Variants in RUNDC3B observed in about 807,000 individuals in gnomAD.
The protein encoded by RUNDC3B is RUN domain containing 3B.
In RUNDC3B, 33 loss-of-function variants were observed where a neutral mutation model predicts 58.4. That is an observed-to-expected ratio of 0.56 (90% CI 0.43 to 0.75). RUNDC3B has a LOEUF of 0.75. RUNDC3B is among the 30% of genes least tolerant of loss of function. RUNDC3B has a pLI of 0.00. For missense variants in RUNDC3B, 501 were observed against 535.7 expected (o/e 0.94, Z 0.64); for synonymous variants, 193 against 195.2 (o/e 0.99, Z 0.10).
chr7:87,701,228 A>G (rs531768149), intron 3 of RUNDC3B, among the ~76,000 whole-genome samples: 11 of 152,334 alleles, frequency 7.2e-5, no homozygotes, highest in African/African-American at 2.6e-4. Context: ...TATAAACATA[A>G]TTTTTTGGAC....
chr7:87,723,760 C>T (rs17329325), intron 4 of RUNDC3B, among the ~76,000 whole-genome samples: 2,372 of 151,924 alleles, frequency 0.016, 41 homozygotes, highest in South Asian at 0.023. Flanking sequence ...GCCTTGTTAA[C>T]CCAAATTAAT....
intron 6 of RUNDC3B, among the ~76,000 whole-genome samples, chr7:87,768,835 A>C (rs1324817597): frequency 1.3e-5 from 2 of 152,062 alleles, no homozygotes; most frequent in South Asian, 2.1e-4. Flanking sequence ...TTCATCTATA[A>C]ATTTGATCTG....
intron 1 of RUNDC3B, among the ~76,000 whole-genome samples, chr7:87,635,180 C>G (rs1233255675): frequency 1.3e-5 from 2 of 152,114 alleles, no homozygotes; most frequent in Non-Finnish European, 2.9e-5. Flanking sequence ...AAATATATCC[C>G]TGGGTCAGTC....
intron 8 of RUNDC3B, among the ~76,000 whole-genome samples, chr7:87,801,094 C>T (rs1047498031): frequency 6.6e-6 from 1 of 152,156 alleles, no homozygotes; most frequent in Admixed American, 6.5e-5. Flanking sequence ...TGTGGTGTCA[C>T]TTTGCTTCTG....
Position 87,709,575 on chromosome 7 carries a change from T to C in RUNDC3B, c.373-995T>C, listed in dbSNP as rs531094130. ...ATTTTCTTCCCAGTAGTACTGCTGC[T>C]TCTAGCCTGACAGGTTTTAACTACT... On this transcript the variant is annotated intron_variant, in intron 3 of 10. Transcript: ENST00000394654. 14 of 945,064 alleles carry C rather than the reference T, an allele frequency of 1.5e-5. No individual in the cohort carries two copies. The South Asian group carries it at 3.9e-4, about 26-fold the overall frequency. The allele number at this position is 945,064 out of a possible 1,614,324, so 58.5% of individuals were successfully genotyped here.
At chr7:87,774,368 A>C (rs536509257) in intron 7 of RUNDC3B, among the ~76,000 whole-genome samples, 1 of 152,282 alleles carries the variant, frequency 6.6e-6, no homozygotes, top group South Asian at 2.1e-4. Context: ...ACCAGTTCAA[A>C]AAGAAGGAAA....
chr7:87,631,886 C>T (rs1483270341), intron 1 of RUNDC3B, among the ~76,000 whole-genome samples: 1 of 152,002 alleles, frequency 6.6e-6, no homozygotes, highest in African/African-American at 2.4e-5. Context: ...CATTGTTAAC[C>T]TTCAATTATA....
chr7:87,715,497 T>A (rs995445831), intron 4 of RUNDC3B, among the ~76,000 whole-genome samples: 16 of 135,092 alleles, frequency 1.2e-4, no homozygotes, highest in African/African-American at 2.5e-4. Flanking sequence ...ATACATATAA[T>A]TATATTATAT....
intron 9 of RUNDC3B, among the ~76,000 whole-genome samples, chr7:87,810,429 G>T (rs1306197934): frequency 6.6e-6 from 1 of 152,136 alleles, no homozygotes; most frequent in Non-Finnish European, 1.5e-5. Flanking sequence ...CTGAAACCTG[G>T]CTGTTTGTTA....
intron 8 of RUNDC3B, among the ~76,000 whole-genome samples, chr7:87,780,514 T>C (rs1834866855): frequency 6.6e-6 from 1 of 152,204 alleles, no homozygotes; most frequent in African/African-American, 2.4e-5. Flanking sequence ...ATTTGTTGGA[T>C]GCATAGTTTG....
intron 2 of RUNDC3B, among the ~76,000 whole-genome samples, chr7:87,658,037 G>T (rs916398813): frequency 6.6e-6 from 1 of 152,160 alleles, no homozygotes; most frequent in African/African-American, 2.4e-5. Flanking sequence ...GAACCAGGAA[G>T]ATCTCAGATT....
chr7:87,750,331 A>T (rs1334324589), intron 6 of RUNDC3B, among the ~76,000 whole-genome samples: 1 of 151,802 alleles, frequency 6.6e-6, no homozygotes, highest in African/African-American at 2.4e-5. Flanking sequence ...TAATGCCGCA[A>T]TAAACATACG....
rs765828828 is a variant in RUNDC3B, at chr7:87,816,258, T to C, written c.1221T>C (p.Ser407=). The change falls in exon 10 of 11, where the codon AGT becomes AGC. Residue 407 remains serine, a synonymous_variant. Transcript: ENST00000394654. Reference sequence around the variant, plus strand: ...AACAAGACACATTAAATGTAATGAGTGAAGGTAAGAAAACAAAGAACTATT... The same window carrying C: ...AACAAGACACATTAAATGTAATGAGCGAAGGTAAGAAAACAAAGAACTATT... ...DGKQDTLNVM[S]EGKEDTPSLL... 1.2e-6 allele frequency: 2 copies of C among 1,608,818 alleles called. No individual in the cohort carries two copies. The highest frequency in any genetic ancestry group is 1.7e-6 in the Non-Finnish European group (2 of 1,177,482).
intron 8 of RUNDC3B, among the ~76,000 whole-genome samples, chr7:87,783,104 A>C (rs938715358): frequency 2.0e-4 from 31 of 151,892 alleles, no homozygotes; most frequent in African/African-American, 7.0e-4. Flanking sequence ...GTAGGTCTAG[A>C]AGTACTTGCT....
intron 4 of RUNDC3B, among the ~76,000 whole-genome samples, chr7:87,725,865 G>A (rs1446533180): frequency 2.0e-5 from 3 of 152,108 alleles, no homozygotes; most frequent in Non-Finnish European, 4.4e-5. Flanking sequence ...TTTTTCATGT[G>A]TCTGTTGGCT....
At chr7:87,781,234 G>A (rs548766644) in intron 8 of RUNDC3B, among the ~76,000 whole-genome samples, 12 of 151,978 alleles carry the variant, frequency 7.9e-5, no homozygotes, top group African/African-American at 2.9e-4. Flanking sequence ...CAGGTATTTT[G>A]TGCATGTGTG....
At chr7:87,726,049 C>G (rs1450807598) in intron 4 of RUNDC3B, among the ~76,000 whole-genome samples, 1 of 151,488 alleles carries the variant, frequency 6.6e-6, no homozygotes, top group African/African-American at 2.4e-5. Flanking sequence ...GTTGCCTGTT[C>G]ACTCTGATGA....
chr7:87,734,543 TA>T (rs887793187), intron 4 of RUNDC3B, among the ~76,000 whole-genome samples: 8 of 151,824 alleles, frequency 5.3e-5, no homozygotes, highest in Admixed American at 1.3e-4. Context: ...CCTCCTACCT[TA>T]AAAAAAAGAT....
At chr7:87,753,445 C>T (rs552378965) in intron 6 of RUNDC3B, among the ~76,000 whole-genome samples, 6 of 152,170 alleles carry the variant, frequency 3.9e-5, no homozygotes, top group East Asian at 1.9e-4. Flanking sequence ...CTTTCTGTCT[C>T]ATTGATCTGT....
Sources: gnomAD v4.1 joint callset for allele counts (sites outside exome capture counted in the v4.1 genomes callset) on GRCh38, gnomAD v4.1.1 for gene constraint, MANE v1.5 for transcripts, NCBI Gene and HGNC (gene_info 2026-07-23, HGNC 2026-07-21) for gene names.